PDLIM5: variants seen among roughly 807,000 people sequenced by gnomAD.
The protein encoded by PDLIM5 is PDZ and LIM domain 5.
In PDLIM5, 34 loss-of-function variants were observed where a neutral mutation model predicts 64.2. The observed-to-expected ratio is 0.53, with a 90% CI of 0.40 to 0.71. The LOEUF (loss-of-function observed/expected upper bound fraction) is 0.71. Among genes scored for constraint, PDLIM5 ranks in the 30% least tolerant of loss-of-function variants. PDLIM5 has a pLI of 0.00. For missense variants in PDLIM5, 683 were observed against 733.6 expected, an observed-to-expected ratio of 0.93 and a Z score of 0.80; for synonymous variants, 253 against 269.1, an observed-to-expected ratio of 0.94 and a Z score of 0.59.
chr4:94,587,689 G>C (rs1332710271), intron 7 of PDLIM5: 2 of 984,498 alleles, frequency 2.0e-6, no homozygotes, highest in Non-Finnish European at 2.4e-6. Context: ...TTTGGCTCCT[G>C]AAAAAGGAAA....
At chr4:94,549,073 C>G (rs1196846314) in intron 3 of PDLIM5, among the ~76,000 whole-genome samples, 2 of 152,028 alleles carry the variant, frequency 1.3e-5, no homozygotes, top group Non-Finnish European at 2.9e-5. Flanking sequence ...TTTCCTATTT[C>G]CTCGGTTTCC....
At chr4:94,542,307 C>CAAATAAATAAATAAATAAATAAATAAAT (rs547938931) in intron 3 of PDLIM5, among the ~76,000 whole-genome samples, 1,697 of 150,198 alleles carry the variant, frequency 0.011, 35 homozygotes, top group South Asian at 0.031. Context: ...GTGAAACTGT[C>CAAATAAATAAATAAATAAATAAATAAAT]AAATAAATAA....
intron 5 of PDLIM5, among the ~76,000 whole-genome samples, chr4:94,581,785 C>G (rs1735753697): frequency 1.3e-5 from 2 of 152,172 alleles, no homozygotes; most frequent in Non-Finnish European, 2.9e-5. Context: ...TCTTTTCTAT[C>G]CCTACTGTAA....
At chr4:94,629,215 G>A (rs1739943601) in intron 8 of PDLIM5, among the ~76,000 whole-genome samples, 1 of 152,106 alleles carries the variant, frequency 6.6e-6, no homozygotes, top group Admixed American at 6.5e-5. Context: ...TGGGCGTGGT[G>A]GCGTGTGCCT....
intron 8 of PDLIM5, among the ~76,000 whole-genome samples, chr4:94,628,904 AGTTTT>A (rs1452351762): frequency 2.0e-5 from 3 of 151,910 alleles, no homozygotes; most frequent in Middle Eastern, 3.4e-3. Context: ...ATTATGTCTC[AGTTTT>A]GTTTTGTTTT....
intron 9 of PDLIM5, among the ~76,000 whole-genome samples, chr4:94,648,209 A>G (rs934680845): frequency 2.0e-5 from 3 of 152,154 alleles, no homozygotes; most frequent in Admixed American, 1.3e-4. Flanking sequence ...CAATGAAACC[A>G]CAAGTTGGTT....
chr4:94,575,829 G>A lies in PDLIM5; in HGVS notation c.505G>A (p.Val169Ile), dbSNP rs761636570. Reference protein sequence around the residue: ...SHASPSPVAAVTPPLFAASGL... With the variant: ...SHASPSPVAAITPPLFAASGL... ...TGCTTCCCCTTCACCCGTGGCTGCCGTCACTCCTCCCCTGTTCGCTGCATC... is the reference window on the plus strand; with the variant it reads ...TGCTTCCCCTTCACCCGTGGCTGCCATCACTCCTCCCCTGTTCGCTGCATC... Residue 169 changes from valine to isoleucine, a missense_variant, in exon 5 of 13, where the codon GTC becomes ATC. Val to Ile is a conservative substitution (Grantham distance 29). Coordinates refer to ENST00000317968, the MANE Select transcript of PDLIM5 (RefSeq NM_006457.5). 23 of 1,613,920 alleles carry A rather than the reference G, an allele frequency of 1.4e-5. No homozygotes were observed. The highest frequency in any genetic ancestry group is 9.3e-5 in the African/African-American group (7 of 74,886).
intron 2 of PDLIM5, among the ~76,000 whole-genome samples, chr4:94,461,336 A>G (rs1437943837): frequency 6.6e-6 from 1 of 152,208 alleles, no homozygotes; most frequent in East Asian, 1.9e-4. Flanking sequence ...TTTGCAAATA[A>G]ATGACCTAAT....
chr4:94,632,584 C>T (rs2110436454), intron 8 of PDLIM5, among the ~76,000 whole-genome samples: 1 of 152,186 alleles, frequency 6.6e-6, no homozygotes, highest in Middle Eastern at 3.4e-3. Flanking sequence ...TCCATGAACA[C>T]AGAACTTGTG....
chr4:94,519,393 G>A (rs536438329), intron 2 of PDLIM5, among the ~76,000 whole-genome samples: 2 of 152,304 alleles, frequency 1.3e-5, no homozygotes, highest in East Asian at 3.9e-4. Context: ...GAGGCAGGTG[G>A]AATTATAGTC....
chr4:94,556,150 G>A (rs943845767), intron 3 of PDLIM5, among the ~76,000 whole-genome samples: 1 of 148,688 alleles, frequency 6.7e-6, no homozygotes, highest in Non-Finnish European at 1.5e-5. Flanking sequence ...GTGAGAACAT[G>A]CAGTGTTTGG....
chr4:94,662,384 A>G (rs376267401), intron 11 of PDLIM5, 38 bp from the exon 12 acceptor site: 20 of 936,442 alleles, frequency 2.1e-5, no homozygotes, highest in Non-Finnish European at 3.0e-5. Flanking sequence ...AAACTTCATC[A>G]TGTTTAAATT....
chr4:94,485,843 C>A, intron 2 of PDLIM5, among the ~76,000 whole-genome samples: 1 of 133,412 alleles, frequency 7.5e-6, no homozygotes, highest in African/African-American at 2.9e-5. Context: ...GAGTGAGACT[C>A]CGTCTCAAAA....
rs935550819 is a variant in PDLIM5 at position 94,537,738 on chromosome 4, T to C, written c.248+13863T>C. Reference sequence around the variant, plus strand: ...TAATAGCAACTTATTATGGCAGATATTATCATCCTACTTTACAGAGAGTTA... The same window carrying C: ...TAATAGCAACTTATTATGGCAGATACTATCATCCTACTTTACAGAGAGTTA... On this transcript the variant is annotated intron_variant, in intron 3 of 12. Transcript: ENST00000317968. 3.2e-4 allele frequency among the ~76,000 whole-genome samples: 49 copies of C among 152,188 alleles called. 1 individual carries two copies. The highest frequency in any genetic ancestry group is 2.1e-4 in the Non-Finnish European group (14 of 68,026).
chr4:94,587,285 A>C, intron 7 of PDLIM5: 2 of 688,248 alleles, frequency 2.9e-6, no homozygotes, highest in South Asian at 3.5e-5. Flanking sequence ...TGTAAAACCA[A>C]AAAAAAAAAA....
At chr4:94,631,022 C>T (rs1369560428) in intron 8 of PDLIM5, among the ~76,000 whole-genome samples, 3 of 151,918 alleles carry the variant, frequency 2.0e-5, no homozygotes, top group African/African-American at 4.8e-5. Flanking sequence ...ATCCTCCTGC[C>T]TCACATCCCT....
chr4:94,467,594 G>A (rs574200657), intron 2 of PDLIM5, among the ~76,000 whole-genome samples: 1 of 152,286 alleles, frequency 6.6e-6, no homozygotes, highest in African/African-American at 2.4e-5. Flanking sequence ...TTACAGACAT[G>A]AGCCACCGTG....
chr4:94,501,311 T>C (rs1318155065), intron 2 of PDLIM5, among the ~76,000 whole-genome samples: 1 of 152,136 alleles, frequency 6.6e-6, no homozygotes, highest in African/African-American at 2.4e-5. Context: ...CTCAAACTCC[T>C]GAGCTCAAAA....
At chr4:94,465,395 A>G (rs1165883212) in intron 2 of PDLIM5, among the ~76,000 whole-genome samples, 1 of 151,842 alleles carries the variant, frequency 6.6e-6, no homozygotes, top group Non-Finnish European at 1.5e-5. Context: ...GTGTGATTTT[A>G]TTTTATTTTA....
Sources: gnomAD v4.1 joint callset for allele counts (sites outside exome capture counted in the v4.1 genomes callset) on GRCh38, gnomAD v4.1.1 for gene constraint, MANE v1.5 for transcripts, NCBI Gene and HGNC (gene_info 2026-07-23, HGNC 2026-07-21) for gene names.